The following FARS2 variants were observed in gnomAD, a reference collection of about 807,000 sequenced individuals.
The protein encoded by FARS2 is phenylalanine--tRNA ligase, mitochondrial.
A neutral mutation model predicts 46.4 loss-of-function variants in FARS2; 40 were observed. That is an observed-to-expected ratio of 0.86 (90% CI 0.67 to 1.12). FARS2 has a LOEUF of 1.12. FARS2 is among the 50% of genes most tolerant of loss of function. FARS2 has a pLI of 0.00. For missense variants in FARS2, 513 were observed against 567.9 expected (o/e 0.90, Z 0.98); for synonymous variants, 234 against 214.9 (o/e 1.09, Z -0.78).
intron 5 of FARS2, among the ~76,000 whole-genome samples, chr6:5,549,132 C>T (rs892924815): frequency 6.6e-6 from 1 of 150,834 alleles, no homozygotes; most frequent in African/African-American, 2.4e-5. Flanking sequence ...GCAGGGCTGA[C>T]TCCTTCTGTA....
At chr6:5,498,362 C>T (rs568018861) in intron 4 of FARS2, among the ~76,000 whole-genome samples, 6 of 152,100 alleles carry the variant, frequency 3.9e-5, no homozygotes, top group Admixed American at 1.3e-4. Flanking sequence ...TAAGAGTTAT[C>T]GTTCAAGAGC....
intron 6 of FARS2, among the ~76,000 whole-genome samples, chr6:5,733,115 G>C (rs1760742285): frequency 6.6e-6 from 1 of 152,172 alleles, no homozygotes; most frequent in African/African-American, 2.4e-5. Context: ...ATTAACCTCA[G>C]GGTCAAAAAA....
chr6:5,329,166 T>G (rs1335347374), intron 1 of FARS2, among the ~76,000 whole-genome samples: 1 of 152,178 alleles, frequency 6.6e-6, no homozygotes, highest in Non-Finnish European at 1.5e-5. Flanking sequence ...CCAACCAACT[T>G]ATAAACAAGT....
chr6:5,587,836 C>T (rs1380722045), intron 5 of FARS2, among the ~76,000 whole-genome samples: 2 of 152,154 alleles, frequency 1.3e-5, no homozygotes, highest in African/African-American at 4.8e-5. Flanking sequence ...CTCTCTAAAC[C>T]TCAACACTCT....
At chr6:5,477,460 T>C (rs1293507090) in intron 4 of FARS2, among the ~76,000 whole-genome samples, 1 of 152,226 alleles carries the variant, frequency 6.6e-6, no homozygotes, top group Non-Finnish European at 1.5e-5. Context: ...TTATAAGGCC[T>C]AGTTGACTTG....
In FARS2 at chr6:5,343,237, A is replaced by G. The variant is rs1412032721; in HGVS notation, c.-21-25313A>G. Among the ~76,000 whole-genome samples the G allele has an allele frequency of 6.6e-6, 1 of 152,018 alleles. No individual in the cohort carries two copies. Among genetic ancestry groups the G allele is most frequent in the African/African-American group, 2.4e-5 (1 of 41,408 alleles). ...ATCTATTTATTTATTTAGAGATGGA[A>G]TTTCGCTCTCGTTGCCCAGGCTGGA... On this transcript the variant is annotated intron_variant, in intron 1 of 6. Coordinates refer to ENST00000274680, the MANE Select transcript of FARS2 (RefSeq NM_006567.5). This position sits in a 1 kb window ranked among gnomAD's most constrained non-coding sequence, Gnocchi z 4.5.
chr6:5,381,301 G>A (rs1438865845), intron 2 of FARS2, among the ~76,000 whole-genome samples: 1 of 150,748 alleles, frequency 6.6e-6, no homozygotes, highest in Non-Finnish European at 1.5e-5. Flanking sequence ...CCGGCCTATA[G>A]CAATGATTTC....
intron 1 of FARS2, among the ~76,000 whole-genome samples, chr6:5,304,444 A>G (rs1022009420): frequency 1.3e-5 from 2 of 152,202 alleles, no homozygotes; most frequent in African/African-American, 4.8e-5. Flanking sequence ...TTAGTCTCTT[A>G]TGATAGAGTC....
chr6:5,546,434 T>C (rs1049905377), intron 5 of FARS2, among the ~76,000 whole-genome samples: 7 of 151,656 alleles, frequency 4.6e-5, no homozygotes, highest in Non-Finnish European at 1.5e-5. Flanking sequence ...GTATTTTTAG[T>C]AGAGACGGGG....
At chr6:5,618,477 A>G (rs761740692) in intron 6 of FARS2, among the ~76,000 whole-genome samples, 6 of 152,250 alleles carry the variant, frequency 3.9e-5, no homozygotes, top group Non-Finnish European at 8.8e-5. Context: ...GAGACGTGAT[A>G]GGACTGAGTG....
chr6:5,431,113 A>G lies in FARS2; in HGVS notation c.845A>G (p.His282Arg). 1.2e-6 allele frequency: 2 copies of G among 1,614,048 alleles called. No individual in the cohort carries two copies. The highest frequency in any genetic ancestry group is 1.6e-4 in the Middle Eastern group (1 of 6,062). ...HPSFEMEINFHGEWLEVLGCG... is the reference protein window; with the variant it reads ...HPSFEMEINFRGEWLEVLGCG... Reference sequence around the variant, plus strand: ...TCCTTTGAGATGGAGATCAACTTTCATGGAGAATGGCTGGAAGTTCTTGGC... The same window carrying G: ...TCCTTTGAGATGGAGATCAACTTTCGTGGAGAATGGCTGGAAGTTCTTGGC... The change falls in exon 4 of 7, where the codon CAT becomes CGT. Residue 282 changes from histidine to arginine, a missense_variant. By Grantham distance (29) the His-to-Arg change is conservative. Coordinates refer to ENST00000274680, the MANE Select transcript of FARS2 (RefSeq NM_006567.5).
intron 4 of FARS2, among the ~76,000 whole-genome samples, chr6:5,455,247 A>G (rs1764775875): frequency 6.6e-6 from 1 of 152,214 alleles, no homozygotes; most frequent in Non-Finnish European, 1.5e-5. Context: ...TTTGCAGAAG[A>G]TTCCAAAAAG....
chr6:5,666,397 C>G (rs1008399011), intron 6 of FARS2, among the ~76,000 whole-genome samples: 1 of 152,170 alleles, frequency 6.6e-6, no homozygotes, highest in Non-Finnish European at 1.5e-5. Flanking sequence ...CCAACCTGCC[C>G]CTCCACTGCC....
At chr6:5,520,118 C>T (rs1319266830) in intron 4 of FARS2, among the ~76,000 whole-genome samples, 1 of 152,100 alleles carries the variant, frequency 6.6e-6, no homozygotes, top group Non-Finnish European at 1.5e-5. Flanking sequence ...AGGAACCTGC[C>T]GCACCCTAGG....
intron 3 of FARS2, among the ~76,000 whole-genome samples, chr6:5,408,446 G>A (rs986730130): frequency 1.3e-5 from 2 of 152,142 alleles, no homozygotes; most frequent in Admixed American, 6.5e-5. Context: ...GAAGAGGCAA[G>A]GGGAAGAAAA....
intron 3 of FARS2, among the ~76,000 whole-genome samples, chr6:5,430,829 A>C (rs960632946): frequency 1.3e-5 from 2 of 152,138 alleles, no homozygotes; most frequent in Non-Finnish European, 2.9e-5. Context: ...GGAATTACGC[A>C]AAGTGTTTTT....
chr6:5,722,767 G>A (rs1759995327), intron 6 of FARS2, among the ~76,000 whole-genome samples: 1 of 152,260 alleles, frequency 6.6e-6, no homozygotes, highest in East Asian at 1.9e-4. Flanking sequence ...GAAAGGTCAT[G>A]TCCACCTTGT....
intron 6 of FARS2, among the ~76,000 whole-genome samples, chr6:5,688,894 A>G (rs1033782300): frequency 6.6e-6 from 1 of 152,206 alleles, no homozygotes; most frequent in African/African-American, 2.4e-5. Context: ...TTATTGGTCT[A>G]TTCAGAGATT....
At chr6:5,293,919 A>G (rs1172956232) in intron 1 of FARS2, among the ~76,000 whole-genome samples, 2 of 152,234 alleles carry the variant, frequency 1.3e-5, no homozygotes, top group East Asian at 1.9e-4. Context: ...AGTACTGCAA[A>G]GAAATGAATC....
Sources: gnomAD v4.1 joint callset for allele counts (sites outside exome capture counted in the v4.1 genomes callset) on GRCh38, gnomAD v4.1.1 for gene constraint, Gnocchi (gnomAD v3.1) non-coding constraint, MANE v1.5 for transcripts, NCBI Gene and HGNC (gene_info 2026-07-23, HGNC 2026-07-21) for gene names.